Variants in GAS7 observed in about 807,000 individuals in gnomAD.
The protein encoded by GAS7 is growth arrest specific 7, also known as growth arrest-specific protein 7.
Under a neutral mutation model 71.1 loss-of-function variants are expected in GAS7, and 28 were observed. The ratio of observed to expected loss-of-function variants is 0.39; its 90% CI spans 0.29 to 0.54. GAS7 has a LOEUF of 0.54. Ranked by LOEUF, GAS7 falls within the 20% of genes least tolerant of loss-of-function variation. The pLI is 0.62. For missense variants in GAS7, 436 were observed against 627.8 expected, an observed-to-expected ratio of 0.69 and a Z score of 3.27; for synonymous variants, 258 against 245.8, an observed-to-expected ratio of 1.05 and a Z score of -0.46.
In GAS7 at chr17:9,917,189, C is replaced by G. The variant is rs542641805; in HGVS notation, c.*39G>C. On this transcript the variant is annotated 3_prime_UTR_variant, in exon 14 of 14. Transcript: ENST00000432992. ...GGGCCCCATGGTGGGAGCCCAGCCC[C>G]CCTCCCCAGCAGGACCCCCCGAAGC... The G allele has an allele frequency of 3.3e-6, 4 of 1,216,954 alleles. No homozygotes were observed. Among genetic ancestry groups the G allele is most frequent in the Non-Finnish European group, 3.7e-6 (3 of 817,414 alleles). The allele number at this position is 1,216,954 out of a possible 1,614,324, so 75.4% of individuals were successfully genotyped here. A position where few individuals can be genotyped will look rare whatever the true frequency, so the allele number is the denominator to read the frequency against.
At chr17:10,079,050 T>TG (rs1457059178) in intron 1 of GAS7, among the ~76,000 whole-genome samples, 1 of 152,160 alleles carries the variant, frequency 6.6e-6, no homozygotes, top group African/African-American at 2.4e-5. Context: ...TGTTCAGACT[T>TG]GAAGAGCGAC....
At chr17:9,947,526 C>T (rs1227193820) in intron 5 of GAS7, among the ~76,000 whole-genome samples, 2 of 152,022 alleles carry the variant, frequency 1.3e-5, no homozygotes, top group Non-Finnish European at 2.9e-5. Flanking sequence ...AGGCGGACCA[C>T]CTGAGGTTGA....
intron 1 of GAS7, among the ~76,000 whole-genome samples, chr17:10,150,153 G>A (rs1047691536): frequency 6.6e-6 from 1 of 152,050 alleles, no homozygotes; most frequent in African/African-American, 2.4e-5. Flanking sequence ...ATTTTTTAAA[G>A]ACCTAGAAAT....
chr17:10,045,728 T>C (rs2072944549), intron 1 of GAS7, among the ~76,000 whole-genome samples: 1 of 152,036 alleles, frequency 6.6e-6, no homozygotes, highest in African/African-American at 2.4e-5. Flanking sequence ...AGTGGACATA[T>C]CAGAAACGGC....
chr17:10,084,830 C>T (rs2073499605), intron 1 of GAS7, among the ~76,000 whole-genome samples: 3 of 152,158 alleles, frequency 2.0e-5, no homozygotes, highest in Non-Finnish European at 4.4e-5. Context: ...CCCTGCTGGG[C>T]ACTTTCTCTG....
At chr17:10,162,716 G>A (rs999451652) in intron 1 of GAS7, among the ~76,000 whole-genome samples, 1 of 152,178 alleles carries the variant, frequency 6.6e-6, no homozygotes, top group Admixed American at 6.5e-5. Flanking sequence ...TATTAAAAAT[G>A]TTCAAATGCT....
intron 1 of GAS7, among the ~76,000 whole-genome samples, chr17:10,161,831 G>A (rs774490917): frequency 9.2e-5 from 14 of 152,214 alleles, no homozygotes; most frequent in African/African-American, 3.4e-4. Context: ...TTGGGAGGCC[G>A]AGGCGGGCGG....
intron 2 of GAS7, among the ~76,000 whole-genome samples, chr17:9,998,396 T>C (rs1282041480): frequency 1.3e-5 from 2 of 152,226 alleles, no homozygotes; most frequent in African/African-American, 4.8e-5. Flanking sequence ...AGAACAGGAC[T>C]TGGGGTGGTC....
At chr17:10,050,551 T>C (rs1356552926) in intron 1 of GAS7, among the ~76,000 whole-genome samples, 1 of 152,092 alleles carries the variant, frequency 6.6e-6, no homozygotes, top group Non-Finnish European at 1.5e-5. Context: ...CATGGTCAGA[T>C]GGCACAGCAG....
chr17:10,183,188 T>C (rs145862431), intron 1 of GAS7, among the ~76,000 whole-genome samples: 4 of 151,756 alleles, frequency 2.6e-5, no homozygotes, highest in Non-Finnish European at 5.9e-5. Flanking sequence ...ACCAGCAACA[T>C]CCCATGGGAA....
chr17:10,088,702 C>T lies in GAS7; in HGVS notation c.184-68805G>A, dbSNP rs80235456. 2.0e-5 allele frequency among the ~76,000 whole-genome samples: 3 copies of T among 152,026 alleles called. No individual in the cohort carries two copies. In the East Asian group the frequency reaches 5.8e-4, roughly 29 times the overall value. ...TGCCATGCTGTCTCTATTTCTGGAG[C>T]GGTTGCTTCCCATGCTGGAAGGGAG... On this transcript the variant is annotated intron_variant, in intron 1 of 13. Transcript: ENST00000432992.
At chr17:10,146,233 C>T (rs1036464161) in intron 1 of GAS7, among the ~76,000 whole-genome samples, 4 of 152,084 alleles carry the variant, frequency 2.6e-5, no homozygotes, top group East Asian at 3.8e-4. Flanking sequence ...AAATTGAAGG[C>T]GCAGATAAGA....
intron 1 of GAS7, among the ~76,000 whole-genome samples, chr17:10,078,806 C>T (rs189208752): frequency 8.3e-4 from 126 of 152,212 alleles, no homozygotes; most frequent in African/African-American, 2.3e-3. Flanking sequence ...CCCAGTGCTT[C>T]GGGAGGCCAA....
chr17:10,010,488 TTC>T (rs1385777334), intron 2 of GAS7, among the ~76,000 whole-genome samples: 6 of 124,054 alleles, frequency 4.8e-5, no homozygotes, highest in Admixed American at 4.5e-4. Context: ...GTCAAACTTT[TTC>T]TGTTAAGGGT....
intron 1 of GAS7, among the ~76,000 whole-genome samples, chr17:10,048,189 C>T (rs980889117): frequency 6.6e-6 from 1 of 152,174 alleles, no homozygotes; most frequent in African/African-American, 2.4e-5. Context: ...GTAATCCCAG[C>T]TACTTGGGAG....
rs2072196463 is a variant in GAS7, at chr17:10,019,914, A to C, written c.184-17T>G. The C allele has an allele frequency of 1.9e-6, 3 of 1,611,378 alleles. No homozygotes were observed. The highest frequency in any genetic ancestry group is 2.5e-6 in the Non-Finnish European group (3 of 1,179,360). On this transcript the variant is annotated splice_polypyrimidine_tract_variant and intron_variant, in intron 1 of 13. Coordinates refer to ENST00000432992, the MANE Select transcript of GAS7 (RefSeq NM_201433.2). The stretch of plus-strand genomic sequence containing the variant: ...TCCAGGCTTCTGTTGGAGAAGAAAG[A>C]AAAGGTCACACCCATTTGGCATTTT...
rs555008434 is a variant in GAS7, at chr17:10,006,910, A to T, written c.304+12867T>A. Among the ~76,000 whole-genome samples the T allele has an allele frequency of 4.6e-5, 7 of 152,246 alleles. No homozygotes were observed. The South Asian group carries it at 1.0e-3, about 23-fold the overall frequency. Reference sequence around the variant, plus strand: ...CTCATTCTAAGTCTTGTCACCATAAAATTGAGTTGTTTGTCTTCAATAGCT... The same window carrying T: ...CTCATTCTAAGTCTTGTCACCATAATATTGAGTTGTTTGTCTTCAATAGCT... On this transcript the variant is annotated intron_variant, in intron 2 of 13. Coordinates refer to ENST00000432992, the MANE Select transcript of GAS7 (RefSeq NM_201433.2).
At chr17:9,928,513 C>T (rs1290791521) in intron 9 of GAS7, among the ~76,000 whole-genome samples, 1 of 152,144 alleles carries the variant, frequency 6.6e-6, no homozygotes, top group Non-Finnish European at 1.5e-5. Flanking sequence ...ACCCCACTGC[C>T]TGGAATCAGG....
intron 9 of GAS7, among the ~76,000 whole-genome samples, chr17:9,929,929 C>T (rs1179100792): frequency 6.6e-6 from 1 of 152,182 alleles, no homozygotes; most frequent in African/African-American, 2.4e-5. Flanking sequence ...GCCGGCCTGT[C>T]ATGGCCCATC....
Sources: gnomAD v4.1 joint callset for allele counts (sites outside exome capture counted in the v4.1 genomes callset) on GRCh38, gnomAD v4.1.1 for gene constraint, MANE v1.5 for transcripts, NCBI Gene and HGNC (gene_info 2026-07-23, HGNC 2026-07-21) for gene names.